The following PANX1 variants were observed in gnomAD, a reference collection of about 807,000 sequenced individuals.
PANX1 encodes the protein pannexin-1.
In PANX1, 30 loss-of-function variants were observed where a neutral mutation model predicts 38.7. That is an observed-to-expected ratio of 0.78 (90% CI 0.58 to 1.05). PANX1 has a LOEUF of 1.05. PANX1 is among the 50% of genes least tolerant of loss of function. The pLI, the probability that PANX1 is intolerant of heterozygous loss-of-function variation, is 0.00. For synonymous variants in PANX1, 230 were observed against 212.2 expected, an observed-to-expected ratio of 1.08 and a Z score of -0.73; for missense variants, 551 against 517.2, an observed-to-expected ratio of 1.07 and a Z score of -0.63.
intron 1 of PANX1, 147 bp from the exon 2 acceptor site, chr11:94,153,344 T>G: frequency 1.4e-6 from 1 of 734,950 alleles, no homozygotes; most frequent in Non-Finnish European, 2.2e-6. Flanking sequence ...TAATATGAAC[T>G]TGGGTGTTTG....
intron 1 of PANX1, among the ~76,000 whole-genome samples, chr11:94,133,445 T>G (rs1402312128): frequency 6.6e-6 from 1 of 152,104 alleles, no homozygotes; most frequent in Non-Finnish European, 1.5e-5. Flanking sequence ...CACTCATTGG[T>G]CCAGATGTGC....
At position 94,153,578 on chromosome 11, in the gene PANX1, A is replaced by G; in HGVS notation, c.269A>G (p.Gln90Arg). The part of the protein sequence containing the change: ...VDSYCWAAVQ[Q>R]KNSLQSESGN... ...TCATATTGCTGGGCGGCTGTTCAGCAGAAGAACTCACTGCAGAGCGAGTCT... is the reference window on the plus strand; with the variant it reads ...TCATATTGCTGGGCGGCTGTTCAGCGGAAGAACTCACTGCAGAGCGAGTCT... Residue 90 changes from glutamine to arginine, a missense_variant, in exon 2 of 5, where the codon CAG becomes CGG. By Grantham distance (43) the Gln-to-Arg change is conservative (BLOSUM62 1). Coordinates refer to ENST00000227638, the MANE Select transcript of PANX1 (RefSeq NM_015368.4). 2 of 1,613,990 alleles carry G rather than the reference A, an allele frequency of 1.2e-6. No individual in the cohort carries two copies. Among genetic ancestry groups the G allele is most frequent in the Non-Finnish European group, 1.7e-6 (2 of 1,179,894 alleles).
chr11:94,158,323 A>G (rs1166626128), intron 2 of PANX1, among the ~76,000 whole-genome samples: 3 of 152,130 alleles, frequency 2.0e-5, no homozygotes, highest in African/African-American at 4.8e-5. Context: ...CATTGAATCT[A>G]TAAATTACCT....
chr11:94,132,895 G>C (rs1477967681), intron 1 of PANX1, among the ~76,000 whole-genome samples: 3 of 152,180 alleles, frequency 2.0e-5, no homozygotes, highest in African/African-American at 7.2e-5. Context: ...TGCATGGATT[G>C]TGCTTTAGAT....
At chr11:94,163,645 T>G (rs1947072291) in intron 2 of PANX1, among the ~76,000 whole-genome samples, 1 of 152,258 alleles carries the variant, frequency 6.6e-6, no homozygotes, top group South Asian at 2.1e-4. Context: ...TTGAGGATTT[T>G]TATATCTGTG....
intron 1 of PANX1, among the ~76,000 whole-genome samples, chr11:94,144,686 C>A (rs952132566): frequency 1.3e-5 from 2 of 152,126 alleles, no homozygotes; most frequent in Non-Finnish European, 2.9e-5. Context: ...TCCACAGTGC[C>A]CATCCTTCTC....
intron 1 of PANX1, among the ~76,000 whole-genome samples, chr11:94,137,459 T>C (rs1470898236): frequency 6.6e-6 from 1 of 152,120 alleles, no homozygotes; most frequent in Non-Finnish European, 1.5e-5. Context: ...AACCCCTAAC[T>C]GAGGCAGCGA....
intron 2 of PANX1, 84 bp downstream of exon 2, chr11:94,153,714 A>G (rs1225256832): frequency 1.3e-5 from 17 of 1,298,108 alleles, no homozygotes; most frequent in African/African-American, 4.4e-5. Flanking sequence ...CAAAGACCAC[A>G]CAGATATTGT....
intron 1 of PANX1, among the ~76,000 whole-genome samples, chr11:94,140,466 C>T (rs752878390): frequency 6.6e-6 from 1 of 152,184 alleles, no homozygotes; most frequent in Non-Finnish European, 1.5e-5. Flanking sequence ...GCTCATTTAT[C>T]TTTAATATGT....
chr11:94,171,907 T>TTGC (rs5793673), intron 2 of PANX1, among the ~76,000 whole-genome samples: 1 of 32,262 alleles, frequency 3.1e-5, no homozygotes, highest in Non-Finnish European at 5.9e-5. Context: ...GAGAACTGGC[T>TTGC]TTTTTTTTTC....
In PANX1 at chr11:94,161,345, G is replaced by A. The variant is rs1024400719; in HGVS notation, c.321+7715G>A. 3.3e-5 allele frequency among the ~76,000 whole-genome samples: 5 copies of A among 152,262 alleles called. No homozygotes were observed. The Middle Eastern group carries it at 0.01, about 311-fold the overall frequency. On this transcript the variant is annotated intron_variant, in intron 2 of 4. Coordinates refer to ENST00000227638, the MANE Select transcript of PANX1 (RefSeq NM_015368.4). Reference sequence around the variant, plus strand: ...TTTCCTACTTGGTTCCATTCTCCCTGTCACTTTCAGGTACACCAATCAGAC... The same window carrying A: ...TTTCCTACTTGGTTCCATTCTCCCTATCACTTTCAGGTACACCAATCAGAC...
intron 2 of PANX1, among the ~76,000 whole-genome samples, chr11:94,174,868 T>A (rs1947213919): frequency 1.3e-5 from 2 of 151,782 alleles, no homozygotes; most frequent in South Asian, 4.1e-4. Flanking sequence ...GTTCCTTCCA[T>A]CTGGAGGTTT....
At chr11:94,154,032 C>G (rs986708162) in intron 2 of PANX1, among the ~76,000 whole-genome samples, 5 of 152,218 alleles carry the variant, frequency 3.3e-5, no homozygotes, top group Non-Finnish European at 7.3e-5. Context: ...CTACCACACA[C>G]AGGGTCTCTT....
rs372150104 is a variant in PANX1, at chr11:94,179,737, G to T, written c.681G>T (p.Ala227=). The T allele has an allele frequency of 1.9e-6, 3 of 1,613,964 alleles. No homozygotes were observed. Among genetic ancestry groups the T allele is most frequent in the South Asian group, 2.2e-5 (2 of 91,072 alleles). Residue 227 remains alanine, a synonymous_variant, in exon 4 of 5, where the codon GCG becomes GCT. Coordinates refer to ENST00000227638, the MANE Select transcript of PANX1 (RefSeq NM_015368.4). Reference sequence around the variant, plus strand: ...TGACACTCATCATTATACTGTTAGCGTGTATCTACCTGGGCTATTACTTCA... The same window carrying T: ...TGACACTCATCATTATACTGTTAGCTTGTATCTACCTGGGCTATTACTTCA... ...RLLTLIIILL[A]CIYLGYYFSL...
At chr11:94,153,075 G>T (rs1251258567) in intron 1 of PANX1, among the ~76,000 whole-genome samples, 5 of 152,078 alleles carry the variant, frequency 3.3e-5, no homozygotes, top group African/African-American at 1.2e-4. Flanking sequence ...TGTTCTAAAA[G>T]AACTTGTTTT....
intron 2 of PANX1, chr11:94,175,668 G>T (rs1477670836): frequency 2.4e-6 from 2 of 818,134 alleles, no homozygotes; most frequent in African/African-American, 3.8e-5. Flanking sequence ...GAAACTCTGT[G>T]TCATGCACTT....
chr11:94,165,962 T>C lies in PANX1; in HGVS notation c.321+12332T>C, dbSNP rs74499166. On this transcript the variant is annotated intron_variant, in intron 2 of 4. Coordinates refer to ENST00000227638, the MANE Select transcript of PANX1 (RefSeq NM_015368.4). ...TTATTATTATTATTGGTTATGTTATTAACCAATTATTTTAAACTGAAGATA... is the reference window on the plus strand; with the variant it reads ...TTATTATTATTATTGGTTATGTTATCAACCAATTATTTTAAACTGAAGATA... Among the ~76,000 whole-genome samples, 1,584 of 152,246 alleles carry C rather than the reference T, an allele frequency of 0.01. 76 individuals are homozygous for C. In the East Asian group the frequency reaches 0.14, roughly 13 times the overall value.
rs76524467 is a variant in PANX1 at position 94,155,911 on chromosome 11, A to G, written c.321+2281A>G. Among the ~76,000 whole-genome samples, 1,584 of 152,316 alleles carry G rather than the reference A, an allele frequency of 0.01. 77 individuals are homozygous for G. In the East Asian group the frequency reaches 0.14, roughly 13 times the overall value. On this transcript the variant is annotated intron_variant, in intron 2 of 4. Transcript: ENST00000227638. ...CAAGGCAACAAATAATAGGACTTGC[A>G]GTGTGAATGACCACAGTTCTAAAGT...
At chr11:94,162,287 C>G (rs912095779) in intron 2 of PANX1, among the ~76,000 whole-genome samples, 2 of 152,206 alleles carry the variant, frequency 1.3e-5, no homozygotes, top group African/African-American at 2.4e-5. Flanking sequence ...TTTCTGCTGC[C>G]TTTTGTTTTG....
Sources: gnomAD v4.1 joint callset for allele counts (sites outside exome capture counted in the v4.1 genomes callset) on GRCh38, gnomAD v4.1.1 for gene constraint, MANE v1.5 for transcripts, NCBI Gene and HGNC (gene_info 2026-07-23, HGNC 2026-07-21) for gene names.